DAP: variants seen among roughly 807,000 people sequenced by gnomAD.
The protein encoded by DAP is death associated protein.
DAP carries 8 observed loss-of-function variants against 13.8 expected under a neutral mutation model. The ratio of observed to expected loss-of-function variants is 0.58; its 90% CI spans 0.34 to 1.05. The LOEUF is 1.05. Among genes scored for constraint, DAP ranks in the 50% least tolerant of loss-of-function variants. DAP has a pLI of 0.03. For synonymous variants in DAP, 47 were observed against 47.5 expected (o/e 0.99, Z 0.04); for missense variants, 106 against 133.2 (o/e 0.80, Z 1.01).
chr5:10,711,386 G>C (rs1265124159), intron 2 of DAP, among the ~76,000 whole-genome samples: 1 of 152,232 alleles, frequency 6.6e-6, no homozygotes, highest in African/African-American at 2.4e-5. Flanking sequence ...CTCAGACAGG[G>C]TGGGACTGGA....
rs1737974933 is a variant in DAP, at chr5:10,681,023, CG to C, written c.*32del. 6.4e-7 allele frequency: 1 copy of C among 1,566,074 alleles called. No individual in the cohort carries two copies. The highest frequency in any genetic ancestry group is 8.7e-7 in the Non-Finnish European group (1 of 1,154,348). ...AGGGAAATACCAAGTGCAGCAGAGC[CG>C]GGGCCATGGGGCAGGCTGGTGGACT... On this transcript the variant is annotated 3_prime_UTR_variant, in exon 4 of 4. Coordinates refer to ENST00000230895, the MANE Select transcript of DAP (RefSeq NM_004394.3).
At chr5:10,702,785 T>C (rs1738613515) in intron 2 of DAP, among the ~76,000 whole-genome samples, 1 of 152,232 alleles carries the variant, frequency 6.6e-6, no homozygotes, top group African/African-American at 2.4e-5. Context: ...TGGATGGCTT[T>C]GCAGGACTCT....
intron 2 of DAP, among the ~76,000 whole-genome samples, chr5:10,739,592 A>G (rs1739705651): frequency 6.6e-6 from 1 of 152,150 alleles, no homozygotes; most frequent in Non-Finnish European, 1.5e-5. Context: ...AAGGCTCAGC[A>G]CACACACAGA....
rs1022407136 is a variant in DAP, at chr5:10,722,424, G to A, written c.152+25751C>T. 3.3e-5 allele frequency among the ~76,000 whole-genome samples: 5 copies of A among 152,042 alleles called. No homozygotes were observed. The South Asian group carries it at 1.0e-3, about 32-fold the overall frequency. ...GGACCTAGCTCTTCTTGCTCCTCAA[G>A]CTTGCAGACAGCCTACTGTGGGACC... is the stretch of plus-strand genomic sequence containing the variant. On this transcript the variant is annotated intron_variant, in intron 2 of 3. Transcript: ENST00000230895.
chr5:10,740,321 T>C (rs1291164918), intron 2 of DAP, among the ~76,000 whole-genome samples: 2 of 152,160 alleles, frequency 1.3e-5, no homozygotes, highest in African/African-American at 2.4e-5. Context: ...ATGTTCACTA[T>C]GGGTACAACT....
chr5:10,690,423 C>A (rs1455465569), intron 2 of DAP, among the ~76,000 whole-genome samples: 1 of 152,180 alleles, frequency 6.6e-6, no homozygotes, highest in Non-Finnish European at 1.5e-5. Context: ...ATTTCCAGAA[C>A]TTTTTCATCA....
At chr5:10,713,713 C>G (rs1738909682) in intron 2 of DAP, among the ~76,000 whole-genome samples, 1 of 152,210 alleles carries the variant, frequency 6.6e-6, no homozygotes, top group Non-Finnish European at 1.5e-5. Flanking sequence ...AGCCGTCCCT[C>G]CAGCCAGCAG....
intron 1 of DAP, among the ~76,000 whole-genome samples, chr5:10,754,711 A>C (rs1740136112): frequency 6.6e-6 from 1 of 152,198 alleles, no homozygotes; most frequent in African/African-American, 2.4e-5. Flanking sequence ...AGGCTGATTC[A>C]AAAAGTTTAG....
In DAP at chr5:10,699,203, CCTAT is replaced by C. The variant is rs142574396; in HGVS notation, c.153-15636_153-15633del. Among the ~76,000 whole-genome samples the C allele has an allele frequency of 4.8e-3, 724 of 152,328 alleles. 5 individuals carry two copies. Among genetic ancestry groups the C allele is most frequent in the African/African-American group, 0.016 (658 of 41,560 alleles). On this transcript the variant is annotated intron_variant, in intron 2 of 3. Transcript: ENST00000230895. ...ACCTACCTACCTACCTACCTACTTACCTATCTGTCTGTCTGTCTACGGTGTTTAT... is the reference window on the plus strand; with the variant it reads ...ACCTACCTACCTACCTACCTACTTACCTGTCTGTCTGTCTACGGTGTTTAT...
chr5:10,701,992 T>A (rs528515480), intron 2 of DAP, among the ~76,000 whole-genome samples: 1 of 152,344 alleles, frequency 6.6e-6, no homozygotes, highest in East Asian at 1.9e-4. Context: ...GGCTGGCTCA[T>A]GTTCTCTTTC....
In DAP at chr5:10,683,750, T is replaced by C. The variant is rs563646604; in HGVS notation, c.153-179A>G. Among the ~76,000 whole-genome samples the C allele has an allele frequency of 5.6e-4, 86 of 152,232 alleles. 4 individuals are homozygous for C. The South Asian group carries it at 0.015, about 26-fold the overall frequency. On this transcript the variant is annotated intron_variant, in intron 2 of 3. Transcript: ENST00000230895. ...ACACTACGGGGCTCGGGAGCCTCCT[T>C]CTCCTGAGGCTAGTTCAGCCCCAAG...
intron 2 of DAP, among the ~76,000 whole-genome samples, chr5:10,684,706 T>C (rs1738113126): frequency 6.6e-6 from 1 of 152,240 alleles, no homozygotes; most frequent in Non-Finnish European, 1.5e-5. Context: ...TATACTCTTC[T>C]GTACACTTAT....
intron 2 of DAP, among the ~76,000 whole-genome samples, chr5:10,691,330 A>G (rs922234559): frequency 7.9e-5 from 12 of 152,274 alleles, no homozygotes; most frequent in Admixed American, 1.3e-4. Flanking sequence ...TCAGAGCCCA[A>G]TCCTTTTTTC....
At chr5:10,715,205 T>C (rs1561019024) in intron 2 of DAP, among the ~76,000 whole-genome samples, 1 of 152,138 alleles carries the variant, frequency 6.6e-6, no homozygotes, top group Non-Finnish European at 1.5e-5. Context: ...ATGTAAAATG[T>C]TGGAGAGGTT....
intron 2 of DAP, among the ~76,000 whole-genome samples, chr5:10,717,209 C>A (rs1188137213): frequency 2.0e-5 from 3 of 152,174 alleles, no homozygotes; most frequent in Admixed American, 2.0e-4. Context: ...GCTTCAGAAG[C>A]AGATACTGAA....
intron 2 of DAP, among the ~76,000 whole-genome samples, chr5:10,702,571 C>A (rs1738607625): frequency 6.6e-6 from 1 of 152,142 alleles, no homozygotes; most frequent in Non-Finnish European, 1.5e-5. Flanking sequence ...GGTACTTCTT[C>A]AGATCTTTTC....
intron 2 of DAP, among the ~76,000 whole-genome samples, chr5:10,726,160 C>G (rs1739283364): frequency 6.6e-6 from 1 of 152,220 alleles, no homozygotes; most frequent in Admixed American, 6.5e-5. Flanking sequence ...GCCTGTTGGA[C>G]AGTTGTCATT....
intron 2 of DAP, among the ~76,000 whole-genome samples, chr5:10,705,912 G>T (rs1034424546): frequency 1.3e-5 from 2 of 152,174 alleles, no homozygotes; most frequent in Admixed American, 1.3e-4. Context: ...TTCCTTTGGG[G>T]ATTTACTGCC....
At chr5:10,684,101 G>C (rs1738099916) in intron 2 of DAP, among the ~76,000 whole-genome samples, 1 of 152,232 alleles carries the variant, frequency 6.6e-6, no homozygotes, top group Non-Finnish European at 1.5e-5. Context: ...TGGGATTACA[G>C]GGATGAGCCA....
Sources: allele counts gnomAD v4.1 joint callset (sites outside exome capture counted in the v4.1 genomes callset), GRCh38; gene constraint gnomAD v4.1.1; transcripts MANE v1.5; gene names NCBI Gene and HGNC (gene_info 2026-07-23, HGNC 2026-07-21).